DNM3: variants seen among roughly 807,000 people sequenced by gnomAD.
DNM3 encodes dynamin 3.
DNM3 carries 47 observed loss-of-function variants against 101.6 expected under a neutral mutation model. That is an observed-to-expected ratio of 0.46 (90% confidence interval 0.37 to 0.59). DNM3 has a LOEUF of 0.59. DNM3 is among the 20% of genes least tolerant of loss of function. The pLI is 0.00. For missense variants in DNM3, 849 were observed against 1,085.7 expected (o/e 0.78, Z 3.06); for synonymous variants, 385 against 387.9 (o/e 0.99, Z 0.09).
chr1:172,207,827 C>T (rs970859246), intron 14 of DNM3, among the ~76,000 whole-genome samples: 2 of 151,936 alleles, frequency 1.3e-5, no homozygotes, highest in Non-Finnish European at 2.9e-5. Context: ...TAAAAAATCA[C>T]CTTAATATAT....
chr1:171,944,245 A>G (rs1415995839), intron 2 of DNM3, among the ~76,000 whole-genome samples: 2 of 152,202 alleles, frequency 1.3e-5, no homozygotes, highest in African/African-American at 2.4e-5. Flanking sequence ...TTAAAACAAT[A>G]AAAACCATTC....
intron 14 of DNM3, among the ~76,000 whole-genome samples, chr1:172,178,396 TTGAG>T (rs1349266815): frequency 3.3e-5 from 5 of 151,956 alleles, no homozygotes; most frequent in African/African-American, 1.2e-4. Flanking sequence ...AAAATATTTA[TTGAG>T]TATTTATTAT....
chr1:171,991,335 G>A (rs1221279770), intron 4 of DNM3, among the ~76,000 whole-genome samples: 1 of 152,076 alleles, frequency 6.6e-6, no homozygotes, highest in Non-Finnish European at 1.5e-5. Context: ...CAAGATCCAG[G>A]TTGTTTACCC....
chr1:172,305,761 A>T (rs1444819908), intron 15 of DNM3, among the ~76,000 whole-genome samples: 1 of 152,242 alleles, frequency 6.6e-6, no homozygotes, highest in Non-Finnish European at 1.5e-5. Context: ...TCATCACATA[A>T]ACAGAACCGA....
In DNM3 at chr1:172,092,809, C is replaced by T; in HGVS notation, c.1494-15C>T. On this transcript the variant is annotated splice_polypyrimidine_tract_variant and intron_variant, in intron 12 of 20. Transcript: ENST00000627582. ...TATGTGTCTCTTCAGTGCTGCTTTCCTTTGCTTTTCTCAGTGCTCAGCAGA... is the reference window on the plus strand; with the variant it reads ...TATGTGTCTCTTCAGTGCTGCTTTCTTTTGCTTTTCTCAGTGCTCAGCAGA... 6.4e-7 allele frequency: 1 copy of T among 1,550,984 alleles called. No homozygotes were observed. The highest frequency in any genetic ancestry group is 2.4e-5 in the East Asian group (1 of 41,414).
intron 11 of DNM3, among the ~76,000 whole-genome samples, chr1:172,075,792 T>C (rs2052600770): frequency 6.6e-6 from 1 of 152,242 alleles, no homozygotes; most frequent in Non-Finnish European, 1.5e-5. Context: ...GTCTTGGCTA[T>C]ATGGGCTCTT....
intron 1 of DNM3, among the ~76,000 whole-genome samples, chr1:171,888,258 T>TATAC (rs1431937126): frequency 6.6e-6 from 1 of 152,112 alleles, no homozygotes; most frequent in Non-Finnish European, 1.5e-5. Flanking sequence ...ATCTCAAGGC[T>TATAC]ATACAGTTAA....
At chr1:172,003,747 A>AT (rs2046497463) in intron 4 of DNM3, among the ~76,000 whole-genome samples, 1 of 151,682 alleles carries the variant, frequency 6.6e-6, no homozygotes, top group Admixed American at 6.6e-5. Flanking sequence ...ATTGACATAG[A>AT]TTTTTTCACT....
At chr1:172,232,453 C>G (rs1573047258) in intron 14 of DNM3, among the ~76,000 whole-genome samples, 1 of 151,972 alleles carries the variant, frequency 6.6e-6, no homozygotes. Flanking sequence ...ACTTTAACAC[C>G]CCACTGTCAA....
chr1:172,354,941 G>A (rs1329431295), intron 17 of DNM3, among the ~76,000 whole-genome samples: 3 of 152,106 alleles, frequency 2.0e-5, no homozygotes, highest in Admixed American at 1.3e-4. Context: ...AGAAAAATCC[G>A]CTTGCCGTTA....
chr1:172,416,725 C>T (rs982116688), downstream of DNM3, among the ~76,000 whole-genome samples: 3 of 152,184 alleles, frequency 2.0e-5, no homozygotes, highest in Non-Finnish European at 4.4e-5. Flanking sequence ...AAAATAGTTT[C>T]TGTTTTCTGG....
chr1:172,251,524 A>G (rs2062169161), intron 14 of DNM3, among the ~76,000 whole-genome samples: 1 of 152,090 alleles, frequency 6.6e-6, no homozygotes, highest in South Asian at 2.1e-4. Context: ...CCTGGGATAA[A>G]TGACATTTAG....
chr1:172,228,932 A>G lies in DNM3; in HGVS notation c.1660-24641A>G, dbSNP rs182421232. On this transcript the variant is annotated intron_variant, in intron 14 of 20. Coordinates refer to ENST00000627582, the MANE Select transcript of DNM3 (RefSeq NM_015569.5). ...AAATTTTTATCAATCATTGTCACCA[A>G]AGACCTCTTCTTTTGCCACTTTCTA... 4.6e-5 allele frequency among the ~76,000 whole-genome samples: 7 copies of G among 152,242 alleles called. No individual in the cohort carries two copies. The East Asian group carries it at 9.6e-4, about 21-fold the overall frequency.
chr1:172,288,086 A>G (rs2063767953), intron 15 of DNM3, among the ~76,000 whole-genome samples: 1 of 152,188 alleles, frequency 6.6e-6, no homozygotes. Flanking sequence ...ACCAAACACC[A>G]GCGCTGTGCT....
intron 14 of DNM3, among the ~76,000 whole-genome samples, chr1:172,166,911 A>T (rs1362175354): frequency 6.6e-6 from 1 of 151,654 alleles, no homozygotes; most frequent in Non-Finnish European, 1.5e-5. Flanking sequence ...TAAATGGCAA[A>T]GCATTGCATT....
chr1:172,408,605 G>T lies in DNM3; in HGVS notation c.*764G>T, dbSNP rs16844417. 3.0e-6 allele frequency: 3 copies of T among 984,504 alleles called. No individual in the cohort carries two copies. In the East Asian group the frequency reaches 3.4e-4, roughly 112 times the overall value. 61.0% of individuals were successfully genotyped at this position (984,504 alleles called of 1,614,324 possible). A position where few individuals can be genotyped will look rare whatever the true frequency, so the allele number is the denominator to read the frequency against. ...AATATCACATCTCTAGAAGTGTTGG[G>T]AAAAATATAATTTCTTTCTTTACTT... On this transcript the variant is annotated 3_prime_UTR_variant, in exon 21 of 21. Transcript: ENST00000627582.
At chr1:171,856,942 G>C (rs1309371052) in intron 1 of DNM3, among the ~76,000 whole-genome samples, 1 of 152,158 alleles carries the variant, frequency 6.6e-6, no homozygotes, top group African/African-American at 2.4e-5. Flanking sequence ...AATTTGAAAT[G>C]GGCATTAAAT....
At chr1:172,050,261 T>C (rs2050114075) in intron 10 of DNM3, among the ~76,000 whole-genome samples, 3 of 152,142 alleles carry the variant, frequency 2.0e-5, no homozygotes, top group Non-Finnish European at 4.4e-5. Flanking sequence ...CTACTGACTT[T>C]CAAGATTAAC....
At position 172,371,742 on chromosome 1, in the gene DNM3, G is replaced by A. The variant is rs149507284; in HGVS notation, c.1894-7276G>A. 2.0e-3 allele frequency among the ~76,000 whole-genome samples: 303 copies of A among 151,984 alleles called. 1 individual carries two copies. Among genetic ancestry groups the A allele is most frequent in the Middle Eastern group, 0.017 (5 of 294 alleles). On this transcript the variant is annotated intron_variant, in intron 17 of 20. Transcript: ENST00000627582. ...GATATAATACAGGTCATCTAATTCC[G>A]TAGTTCATACTGTTAATCACTATTC...
Sources: allele counts gnomAD v4.1 joint callset (sites outside exome capture counted in the v4.1 genomes callset), GRCh38; gene constraint gnomAD v4.1.1; transcripts MANE v1.5; gene names NCBI Gene and HGNC (gene_info 2026-07-23, HGNC 2026-07-21).